The following LRRC37A2 variants were observed in gnomAD, a reference collection of about 807,000 sequenced individuals.
The protein encoded by LRRC37A2 is leucine-rich repeat-containing protein 37A2.
LRRC37A2 carries 9 observed loss-of-function variants against 68.8 expected under a neutral mutation model. That is an observed-to-expected ratio of 0.13 (90% CI 0.08 to 0.23). The LOEUF (loss-of-function observed/expected upper bound fraction) is 0.23, where lower values mean the gene tolerates loss of function less well. Among genes scored for constraint, LRRC37A2 ranks in the 10% least tolerant of loss-of-function variants. The probability of loss-of-function intolerance (pLI) is 1.00; values close to 1 mark genes in which losing one functional copy is unlikely to be tolerated. For missense variants in LRRC37A2, 168 were observed against 950.4 expected (o/e 0.18, Z 10.82); for synonymous variants, 63 against 367.6 (o/e 0.17, Z 9.48).
At chr17:46,832,861 C>G in the LRRC37A2 span, 1 of 156,690 alleles carries the variant, frequency 6.4e-6, no homozygotes, top group African/African-American at 2.4e-5. Context: ...ATTGGCTCTG[C>G]GTGGTCCATC....
chr17:46,819,357 C>A, the LRRC37A2 span, among the ~76,000 whole-genome samples: 1 of 152,182 alleles, frequency 6.6e-6, no homozygotes, highest in Non-Finnish European at 1.5e-5. This position sits in a 1 kb window ranked among gnomAD's most constrained non-coding sequence, Gnocchi z 5.3. Context: ...TCATTTGAGT[C>A]TTTTGTCAGG....
chr17:46,974,987 C>CTTTTTTTTTTTTTTT, the LRRC37A2 span, among the ~76,000 whole-genome samples: 1 of 119,062 alleles, frequency 8.4e-6, no homozygotes, highest in Admixed American at 8.9e-5. Context: ...TTACTATTTT[C>CTTTTTTTTTTTTTTT]TTTTTTTTTT....
At chr17:46,882,417 T>A in the LRRC37A2 span, among the ~76,000 whole-genome samples, 1 of 152,174 alleles carries the variant, frequency 6.6e-6, no homozygotes, top group African/African-American at 2.4e-5. Flanking sequence ...GCTGCTTGGG[T>A]GATGTGTATC....
At chr17:46,974,001 G>A in the LRRC37A2 span, among the ~76,000 whole-genome samples, 11 of 152,320 alleles carry the variant, frequency 7.2e-5, no homozygotes, top group African/African-American at 9.6e-5. Context: ...CCACAGCCGT[G>A]CACCCCTCTA....
the LRRC37A2 span, among the ~76,000 whole-genome samples, chr17:46,801,493 G>A: frequency 1.9e-4 from 24 of 123,796 alleles, no homozygotes; most frequent in Admixed American, 1.4e-3. Flanking sequence ...GGTGGCAGGC[G>A]CCTGTAATCC....
the LRRC37A2 span, among the ~76,000 whole-genome samples, chr17:47,047,816 A>G: frequency 6.6e-6 from 1 of 151,498 alleles, no homozygotes; most frequent in African/African-American, 2.4e-5. Flanking sequence ...TTCTTAGACC[A>G]TCCAACTCTG....
the LRRC37A2 span, chr17:46,851,648 C>G: frequency 7.8e-7 from 1 of 1,282,560 alleles, no homozygotes; most frequent in Non-Finnish European, 9.8e-7. The surrounding 1 kb of genome is among the most constrained non-coding windows in gnomAD (Gnocchi z 4.3). Flanking sequence ...CATGCGCCCC[C>G]CGCCCGCGCT....
chr17:46,977,532 C>A, the LRRC37A2 span, among the ~76,000 whole-genome samples: 1 of 152,244 alleles, frequency 6.6e-6, no homozygotes, highest in African/African-American at 2.4e-5. Flanking sequence ...TTAGCACCTG[C>A]AGGAGGCGTG....
At chr17:46,931,938 G>A in the LRRC37A2 span, 3 of 801,402 alleles carry the variant, frequency 3.7e-6, no homozygotes, top group South Asian at 2.7e-5. Context: ...CTTGTGGTGA[G>A]GGGGTATAGT....
At chr17:46,987,346 G>T in the LRRC37A2 span, among the ~76,000 whole-genome samples, 1 of 152,124 alleles carries the variant, frequency 6.6e-6, no homozygotes, top group Non-Finnish European at 1.5e-5. Flanking sequence ...GCATGTGGGC[G>T]CCAGGACGCT....
At chr17:46,829,767 T>G in the LRRC37A2 span, among the ~76,000 whole-genome samples, 2 of 114,520 alleles carry the variant, frequency 1.7e-5, no homozygotes, top group Admixed American at 1.1e-4. Flanking sequence ...GGGATGGGAG[T>G]AGGGGGTGGG....
chr17:46,846,157 C>A, the LRRC37A2 span, among the ~76,000 whole-genome samples: 1 of 152,196 alleles, frequency 6.6e-6, no homozygotes, highest in African/African-American at 2.4e-5. Flanking sequence ...CTAGACAGAA[C>A]TGGACTGCTC....
chr17:46,810,260 G>A, the LRRC37A2 span, among the ~76,000 whole-genome samples: 800 of 151,996 alleles, frequency 5.3e-3, 5 homozygotes, highest in African/African-American at 0.018. Context: ...CACCCGCCTC[G>A]GCCTCCCAAA....
the LRRC37A2 span, among the ~76,000 whole-genome samples, chr17:47,040,490 TTG>T: frequency 6.6e-6 from 1 of 150,600 alleles, no homozygotes; most frequent in Non-Finnish European, 1.5e-5. Context: ...TTACTGCTGC[TTG>T]TGTTAGTAGT....
At chr17:46,987,772 C>T in the LRRC37A2 span, among the ~76,000 whole-genome samples, 14 of 152,200 alleles carry the variant, frequency 9.2e-5, no homozygotes, top group African/African-American at 3.4e-4. Flanking sequence ...GTGGTTTATC[C>T]ATACAATGGA....
chr17:46,736,771 T>C, the LRRC37A2 span, among the ~76,000 whole-genome samples: 1 of 152,250 alleles, frequency 6.6e-6, no homozygotes, highest in Non-Finnish European at 1.5e-5. Flanking sequence ...TAATATATTT[T>C]TAACCTTGTT....
chr17:46,875,091 C>T, the LRRC37A2 span: 1 of 1,613,600 alleles, frequency 6.2e-7, no homozygotes, highest in Non-Finnish European at 8.5e-7. Flanking sequence ...CCCCTGGGTG[C>T]CCGATCCAGG....
At chr17:46,720,134 T>G in the LRRC37A2 span, among the ~76,000 whole-genome samples, 1 of 152,236 alleles carries the variant, frequency 6.6e-6, no homozygotes, top group African/African-American at 2.4e-5. Context: ...CAGCAGTTAC[T>G]AAGCAACAGA....
chr17:46,776,535 C>G, the LRRC37A2 span, among the ~76,000 whole-genome samples: 4 of 152,184 alleles, frequency 2.6e-5, no homozygotes, highest in African/African-American at 9.7e-5. Flanking sequence ...AGCTAAGTAC[C>G]CTGCCCTGTC....
Sources: allele counts gnomAD v4.1 joint callset (sites outside exome capture counted in the v4.1 genomes callset), GRCh38; gene constraint gnomAD v4.1.1; non-coding constraint Gnocchi (gnomAD v3.1); transcripts MANE v1.5; gene names NCBI Gene and HGNC (gene_info 2026-07-23, HGNC 2026-07-21).